The following DDX11 variants were observed in gnomAD, a reference collection of about 807,000 sequenced individuals.
DDX11 encodes DEAD/H-box helicase 11, also known as ATP-dependent DNA helicase DDX11.
A neutral mutation model predicts 125.2 loss-of-function variants in DDX11; 72 were observed. The observed-to-expected ratio is 0.58, with a 90% confidence interval of 0.48 to 0.70. DDX11 has a LOEUF of 0.70. DDX11 is among the 30% of genes least tolerant of loss of function. The probability of loss-of-function intolerance (pLI) is 0.00; values close to 1 mark genes in which losing one functional copy is unlikely to be tolerated. For synonymous variants in DDX11, 347 were observed against 452.6 expected (o/e 0.77, Z 2.96); for missense variants, 883 against 1,165.0 (o/e 0.76, Z 3.52).
In DDX11 at chr12:31,089,046, T is replaced by C; in HGVS notation, c.687T>C (p.Ile229=). ...GCGCCTTTCTTTCTCTCTGCTAGATTTATTACTGTAGTCGGACACACTCCC... is the reference window on the plus strand; with the variant it reads ...GCGCCTTTCTTTCTCTCTGCTAGATCTATTACTGTAGTCGGACACACTCCC... ...DDLEEEHITK[I]YYCSRTHSQL... is the part of the protein sequence containing the mutation. Residue 229 remains isoleucine, a splice_region_variant and synonymous_variant, in exon 7 of 27, where the codon ATT becomes ATC. Coordinates refer to ENST00000542838, the MANE Select transcript of DDX11 (RefSeq NM_030653.4). 6.2e-7 allele frequency: 1 copy of C among 1,613,908 alleles called. No homozygotes were observed. Among genetic ancestry groups the C allele is most frequent in the Non-Finnish European group, 8.5e-7 (1 of 1,179,778 alleles).
chr12:31,102,921 G>A lies in DDX11; in HGVS notation c.2373-15G>A, dbSNP rs776249432. The stretch of plus-strand genomic sequence containing the variant: ...CCTGACGTCCACCTGCTGGGCTCTT[G>A]TCTCCCCCGCCCAGGTGTGTGGTGA... On this transcript the variant is annotated splice_polypyrimidine_tract_variant and intron_variant, in intron 23 of 26. Transcript: ENST00000542838. 3.1e-6 allele frequency: 5 copies of A among 1,613,862 alleles called. No homozygotes were observed. The South Asian group carries it at 3.3e-5, about 11-fold the overall frequency.
Position 31,103,357 on chromosome 12 carries a change from T to G in DDX11, c.2498T>G (p.Val833Gly), listed in dbSNP as rs1946738684. Residue 833 changes from valine (V) to glycine (G), a missense_variant, in exon 25 of 27, where the codon GTG (valine) becomes GGG (glycine). Transcript: ENST00000542838. Reference protein sequence around the residue: ...PGQAPPGKALVENLCMKAVNQ... With the variant: ...PGQAPPGKALGENLCMKAVNQ... ...CAGGCACCCCCAGGGAAGGCTCTGG[T>G]GGAGAACCTGTGCATGAAGGCCGTC... 5 of 1,610,714 alleles carry G rather than the reference T, an allele frequency of 3.1e-6. No individual in the cohort carries two copies. Among genetic ancestry groups the G allele is most frequent in the Admixed American group, 1.7e-5 (1 of 59,870 alleles).
In DDX11 at chr12:31,089,457, G is replaced by A. The variant is rs749577643; in HGVS notation, c.847G>A (p.Asp283Asn). 7 of 1,613,856 alleles carry A rather than the reference G, an allele frequency of 4.3e-6. No individual in the cohort carries two copies. The highest frequency in any genetic ancestry group is 2.2e-5 in the East Asian group (1 of 44,872). ...KSLGSVQLIN[D>N]RCVDMQRSRH... ...CCTAGGTTCTGTGCAGCTTATCAAC[G>A]ACCGCTGTGTGGACATGCAGAGAAG... is the stretch of plus-strand genomic sequence containing the variant. Residue 283 changes from aspartate (D) to asparagine (N), a missense_variant, in exon 8 of 27, where the codon GAC becomes AAC. By Grantham distance (23) the Asp-to-Asn change is conservative. This residue lies in a region of DDX11 where 283 missense variants were observed against 359.6 expected (regional missense o/e 0.79). Transcript: ENST00000542838.
intron 26 of DDX11, 28 bp from the exon 27 acceptor site, chr12:31,103,779 C>T (rs1946829590): frequency 6.2e-7 from 1 of 1,613,790 alleles, no homozygotes; most frequent in Middle Eastern, 1.7e-4. Context: ...CCCGAGATCA[C>T]ATTTCTCACT....
At position 31,099,012 on chromosome 12, in the gene DDX11, T is replaced by TG. The variant is rs1945840689; in HGVS notation, c.1875+1019dup. Among the ~76,000 whole-genome samples the TG allele has an allele frequency of 2.0e-5, 3 of 151,562 alleles. No homozygotes were observed. In the South Asian group the frequency reaches 6.3e-4, roughly 32 times the overall value. ...GGTGCTAGGGTGTTTGTCGTGCTCC[T>TG]GGGGCGTTTTGGTAGACAGATCTAG... On this transcript the variant is annotated intron_variant, in intron 18 of 26. Coordinates refer to ENST00000542838, the MANE Select transcript of DDX11 (RefSeq NM_030653.4).
rs544955122 is a variant in DDX11, at chr12:31,084,124, G to A, written c.393+63G>A. On this transcript the variant is annotated intron_variant, in intron 3 of 26. Coordinates refer to ENST00000542838, the MANE Select transcript of DDX11 (RefSeq NM_030653.4). ...GAAACAGGGCTTCAGCGATTGTTCT[G>A]GGGCGATTCCGAGACTCAGGCAGTG... 397 of 1,600,598 alleles carry A rather than the reference G, an allele frequency of 2.5e-4. 4 individuals carry two copies. The South Asian group carries it at 2.9e-3, about 12-fold the overall frequency.
intron 1 of DDX11, among the ~76,000 whole-genome samples, chr12:31,075,715 T>C (rs967083528): frequency 2.0e-5 from 3 of 152,234 alleles, no homozygotes; most frequent in African/African-American, 7.2e-5. Flanking sequence ...CAGATTTTTG[T>C]TGAATGCCTA....
intron 7 of DDX11, 39 bp from the exon 8 acceptor site, chr12:31,089,364 G>C (rs771312718): frequency 6.2e-7 from 1 of 1,606,272 alleles, no homozygotes; most frequent in Non-Finnish European, 8.5e-7. Context: ...CATTTAGCTG[G>C]CACCATCTTT....
intron 1 of DDX11, 23 bp downstream of exon 1, chr12:31,074,114 G>GA (rs2140353510): frequency 6.6e-6 from 1 of 152,380 alleles, no homozygotes; most frequent in African/African-American, 2.4e-5. Flanking sequence ...TCCGGAGCGG[G>GA]AAAACATTCC....
At chr12:31,080,769 G>A (rs1941754271) in intron 2 of DDX11, among the ~76,000 whole-genome samples, 1 of 152,204 alleles carries the variant, frequency 6.6e-6, no homozygotes, top group African/African-American at 2.4e-5. Context: ...TTTAGAGACA[G>A]GGTGTTGCTC....
chr12:31,078,834 C>A (rs899078432), intron 2 of DDX11, among the ~76,000 whole-genome samples: 5 of 152,036 alleles, frequency 3.3e-5, no homozygotes, highest in African/African-American at 1.2e-4. Flanking sequence ...ACTACAGGTG[C>A]CCGCCGCCAC....
intron 10 of DDX11, 41 bp downstream of exon 10, chr12:31,091,912 C>A (rs1808348): frequency 6.2e-7 from 1 of 1,613,166 alleles, no homozygotes; most frequent in Non-Finnish European, 8.5e-7. Context: ...CCTGCTGTGA[C>A]GTAAAGGGAC....
chr12:31,102,819 GT>G, intron 23 of DDX11, 116 bp from the exon 24 acceptor site: 1 of 885,370 alleles, frequency 1.1e-6, no homozygotes, highest in South Asian at 1.5e-5. Context: ...GAGAGGCTGA[GT>G]TTTGATCACA....
intron 24 of DDX11, 35 bp from the exon 25 acceptor site, chr12:31,103,282 G>C (rs375168196): frequency 7.2e-5 from 115 of 1,604,234 alleles, no homozygotes; most frequent in Non-Finnish European, 9.4e-5. Flanking sequence ...TGCAGGCAGG[G>C]AACAGTCCTG....
In DDX11 at chr12:31,098,136, G is replaced by T. The variant is rs2909390; in HGVS notation, c.1875+139G>T. On this transcript the variant is annotated intron_variant, in intron 18 of 26. Transcript: ENST00000542838. ...AGCTCGAGCAGGCCCAGTGGTGTCC[G>T]CTGGGTGACACTGCTATTCTCTCAC... 8.9e-6 allele frequency: 5 copies of T among 564,298 alleles called. No homozygotes were observed. In the Admixed American group the frequency reaches 1.1e-4, roughly 13 times the overall value. 35.0% of individuals were successfully genotyped at this position (564,298 alleles called of 1,614,324 possible).
At chr12:31,078,188 C>G in intron 1 of DDX11, 1 of 1,511,716 alleles carries the variant, frequency 6.6e-7, no homozygotes, top group Non-Finnish European at 8.9e-7. Flanking sequence ...CCGTTAAATG[C>G]CGCTAGATGG....
chr12:31,075,052 T>G (rs887322525), intron 1 of DDX11, among the ~76,000 whole-genome samples: 6 of 152,192 alleles, frequency 3.9e-5, no homozygotes, highest in African/African-American at 1.4e-4. Flanking sequence ...CTGAAGTGCT[T>G]TCACAACTCT....
At chr12:31,077,976 C>T (rs1941027283) in intron 1 of DDX11, 16 of 346,272 alleles carry the variant, frequency 4.6e-5, no homozygotes, top group South Asian at 2.5e-4. Flanking sequence ...GAAGTAGCTT[C>T]GGCTTGTGAA....
chr12:31,080,994 C>T (rs1264843555), intron 2 of DDX11, among the ~76,000 whole-genome samples: 2 of 152,198 alleles, frequency 1.3e-5, no homozygotes, highest in Non-Finnish European at 1.5e-5. Context: ...ATCCTCCCTC[C>T]TTGGCCTCCC....
Sources: gnomAD v4.1 joint callset for allele counts (sites outside exome capture counted in the v4.1 genomes callset) on GRCh38, gnomAD v4.1.1 for gene constraint, gnomAD v4.1.1 regional missense constraint, MANE v1.5 for transcripts, NCBI Gene and HGNC (gene_info 2026-07-23, HGNC 2026-07-21) for gene names.